COL8A1: variants seen among roughly 807,000 people sequenced by gnomAD.
The protein encoded by COL8A1 is collagen type VIII alpha 1 chain.
COL8A1 carries 21 observed loss-of-function variants against 42.7 expected under a neutral mutation model. That is an observed-to-expected ratio of 0.49 (90% confidence interval 0.35 to 0.71). COL8A1 has a LOEUF of 0.71. Ranked by LOEUF, COL8A1 falls within the 30% of genes least tolerant of loss-of-function variation. The pLI is 0.01. For missense variants in COL8A1, 788 were observed against 962.4 expected (o/e 0.82, Z 2.40); for synonymous variants, 367 against 369.1 (o/e 0.99, Z 0.06).
chr3:99,758,485 C>A lies in COL8A1; in HGVS notation c.-4+13464C>A, dbSNP rs528391516. 3.3e-5 allele frequency among the ~76,000 whole-genome samples: 5 copies of A among 152,202 alleles called. No individual in the cohort carries two copies. The South Asian group carries it at 1.0e-3, about 32-fold the overall frequency. ...ATATTATGAGGTGTTCTTTGCAGTGCGGGCAATTGGTTATACTGGATGCTG... is the reference window on the plus strand; with the variant it reads ...ATATTATGAGGTGTTCTTTGCAGTGAGGGCAATTGGTTATACTGGATGCTG... On this transcript the variant is annotated intron_variant, in intron 2 of 3. Coordinates refer to ENST00000652472, the MANE Select transcript of COL8A1 (RefSeq NM_020351.4).
intron 1 of COL8A1, among the ~76,000 whole-genome samples, chr3:99,742,240 C>T (rs1045235002): frequency 6.6e-6 from 1 of 152,126 alleles, no homozygotes; most frequent in African/African-American, 2.4e-5. Flanking sequence ...TGAAAATTCA[C>T]TTTATAAATG....
At chr3:99,688,435 C>T (rs140094347) in intron 1 of COL8A1, among the ~76,000 whole-genome samples, 46 of 152,314 alleles carry the variant, frequency 3.0e-4, no homozygotes, top group African/African-American at 1.1e-3. Context: ...CCAACCTCTG[C>T]TTTCGGCAGC....
chr3:99,684,176 A>C (rs1021888252), intron 1 of COL8A1, among the ~76,000 whole-genome samples: 1 of 152,186 alleles, frequency 6.6e-6, no homozygotes, highest in Non-Finnish European at 1.5e-5. Context: ...AATTTAGAGC[A>C]TGAATTTACA....
At chr3:99,687,993 C>T (rs1349949807) in intron 1 of COL8A1, among the ~76,000 whole-genome samples, 6 of 152,216 alleles carry the variant, frequency 3.9e-5, no homozygotes, top group Non-Finnish European at 7.3e-5. Flanking sequence ...TCCACCAGCA[C>T]TTCACCCGTA....
chr3:99,706,797 A>G (rs940151867), intron 1 of COL8A1, among the ~76,000 whole-genome samples: 5 of 152,244 alleles, frequency 3.3e-5, no homozygotes, highest in African/African-American at 1.2e-4. Context: ...AGAAAGGTTT[A>G]TAAACTTTAC....
At chr3:99,764,701 C>CTTTTTTTTTTTTTTTTTTTTTTTTT (rs10648559) in intron 2 of COL8A1, among the ~76,000 whole-genome samples, 2 of 125,052 alleles carry the variant, frequency 1.6e-5, no homozygotes, top group African/African-American at 3.0e-5. Context: ...TCTTTTTTTT[C>CTTTTTTTTTTTTTTTTTTTTTTTTT]TTTTTTTTTT....
intron 1 of COL8A1, among the ~76,000 whole-genome samples, chr3:99,716,061 A>G (rs1939985719): frequency 6.6e-6 from 1 of 152,038 alleles, no homozygotes; most frequent in South Asian, 2.1e-4. Context: ...AGAATTTGCA[A>G]TCAGCAAACT....
At chr3:99,658,150 C>G (rs1313291181) in intron 1 of COL8A1, among the ~76,000 whole-genome samples, 1 of 151,310 alleles carries the variant, frequency 6.6e-6, no homozygotes, top group African/African-American at 2.4e-5. Context: ...AAACACCTTT[C>G]AAAGACATTT....
intron 1 of COL8A1, among the ~76,000 whole-genome samples, chr3:99,729,732 A>G (rs574020992): frequency 6.6e-6 from 1 of 152,194 alleles, no homozygotes; most frequent in Admixed American, 6.6e-5. Context: ...GTTCCTTCAG[A>G]TGGGTAAAGA....
chr3:99,702,836 T>C (rs1006212725), intron 1 of COL8A1, among the ~76,000 whole-genome samples: 1 of 152,100 alleles, frequency 6.6e-6, no homozygotes, highest in Non-Finnish European at 1.5e-5. Flanking sequence ...TATAGGAAGC[T>C]GAAGAAAACG....
intron 1 of COL8A1, among the ~76,000 whole-genome samples, chr3:99,649,862 T>A (rs779516079): frequency 1.3e-4 from 20 of 152,124 alleles, no homozygotes; most frequent in Non-Finnish European, 2.4e-4. Context: ...ACATGGGGCA[T>A]AAGATGAATG....
intron 1 of COL8A1, among the ~76,000 whole-genome samples, chr3:99,657,956 G>A (rs1168839260): frequency 1.3e-5 from 2 of 151,884 alleles, no homozygotes. Context: ...GTGAAACCAC[G>A]TCTCTACTAA....
chr3:99,672,303 A>G (rs962680674), intron 1 of COL8A1, among the ~76,000 whole-genome samples: 3 of 152,018 alleles, frequency 2.0e-5, no homozygotes, highest in Non-Finnish European at 2.9e-5. Flanking sequence ...GGAAAAAAAT[A>G]ACTATTACTT....
intron 1 of COL8A1, among the ~76,000 whole-genome samples, chr3:99,712,836 C>A (rs141190430): frequency 6.6e-6 from 1 of 152,062 alleles, no homozygotes; most frequent in African/African-American, 2.4e-5. Context: ...CAGTTTCAGG[C>A]AAACTGGGAA....
rs551031861 is a variant in COL8A1, at chr3:99,796,486, G to A, written c.*350G>A. 5.6e-6 allele frequency: 1 copy of A among 179,622 alleles called. No individual in the cohort carries two copies. Among genetic ancestry groups the A allele is most frequent in the African/African-American group, 2.3e-5 (1 of 42,622 alleles). The allele number at this position is 179,622 out of a possible 1,614,324, so 11.1% of individuals were successfully genotyped here. On this transcript the variant is annotated 3_prime_UTR_variant, in exon 4 of 4. Transcript: ENST00000652472. ...GTATGAAAGATCATAGCTAATGAAA[G>A]GCACTCACTCATATTGTTTACTTTA...
At chr3:99,781,341 A>C (rs893585530) in intron 2 of COL8A1, among the ~76,000 whole-genome samples, 1 of 152,102 alleles carries the variant, frequency 6.6e-6, no homozygotes, top group South Asian at 2.1e-4. Flanking sequence ...ATTTTAGAAA[A>C]CATTGATTAA....
At chr3:99,773,604 A>G (rs1218179076) in intron 2 of COL8A1, among the ~76,000 whole-genome samples, 2 of 151,594 alleles carry the variant, frequency 1.3e-5, no homozygotes, top group African/African-American at 4.8e-5. Flanking sequence ...ATATAATTAC[A>G]TTTTATGTGT....
intron 1 of COL8A1, among the ~76,000 whole-genome samples, chr3:99,644,330 G>A (rs1937601922): frequency 6.6e-6 from 1 of 152,142 alleles, no homozygotes; most frequent in Non-Finnish European, 1.5e-5. Flanking sequence ...CCTCCTTTTA[G>A]ACTTGACTCT....
intron 1 of COL8A1, among the ~76,000 whole-genome samples, chr3:99,706,230 T>C (rs372060992): frequency 2.6e-5 from 4 of 152,116 alleles, no homozygotes; most frequent in African/African-American, 9.7e-5. Flanking sequence ...ACTGGAAAAA[T>C]AGTGATAGTG....
Sources: allele counts gnomAD v4.1 joint callset (sites outside exome capture counted in the v4.1 genomes callset), GRCh38; gene constraint gnomAD v4.1.1; transcripts MANE v1.5; gene names NCBI Gene and HGNC (gene_info 2026-07-23, HGNC 2026-07-21).